BEND7: variants seen among roughly 807,000 people sequenced by gnomAD.
The protein encoded by BEND7 is BEN domain containing 7.
BEND7 carries 28 observed loss-of-function variants against 50.9 expected under a neutral mutation model. The ratio of observed to expected loss-of-function variants is 0.55; its 90% CI spans 0.41 to 0.75. The LOEUF (loss-of-function observed/expected upper bound fraction) is 0.75, where lower values mean the gene tolerates loss of function less well. Ranked by LOEUF, BEND7 falls within the 30% of genes least tolerant of loss-of-function variation. BEND7 has a pLI of 0.00. For missense variants in BEND7, 477 were observed against 491.3 expected, an observed-to-expected ratio of 0.97 and a Z score of 0.28; for synonymous variants, 170 against 183.9, an observed-to-expected ratio of 0.92 and a Z score of 0.61.
intron 1 of BEND7, 76 bp downstream of exon 1, chr10:13,528,397 C>T (rs113407393): frequency 2.8e-6 from 2 of 709,906 alleles, no homozygotes; most frequent in Non-Finnish European, 3.5e-6. Flanking sequence ...AGGGCGCGCC[C>T]CCCAGCGTGG....
Position 13,502,962 on chromosome 10 carries a change from A to C in BEND7, c.146-2882T>G, listed in dbSNP as rs2077589106. 10 of 981,848 alleles carry C rather than the reference A, an allele frequency of 1.0e-5. No homozygotes were observed. The South Asian group carries it at 4.7e-4, about 46-fold the overall frequency. 60.8% of individuals were successfully genotyped at this position (981,848 alleles called of 1,614,324 possible). A position where few individuals can be genotyped will look rare whatever the true frequency, so the allele number is the denominator to read the frequency against. On this transcript the variant is annotated intron_variant, in intron 2 of 8. Coordinates refer to ENST00000466271, the MANE Select transcript of BEND7 (RefSeq NM_001369863.1). ...CAAAGGTCCTGCCTCTGCTCTGTAG[A>C]TATAATGCTAGGATAGATACAGTGC...
rs559477068 is a variant in BEND7 at position 13,500,860 on chromosome 10, C to T, written c.146-780G>A. ...TGGAAGGGCGGAAGTGCAACCTCCC[C>T]ACCGTGCCCTCCTCCCATGCCAAAC... On this transcript the variant is annotated intron_variant, in intron 2 of 8. Coordinates refer to ENST00000466271, the MANE Select transcript of BEND7 (RefSeq NM_001369863.1). 1.0e-5 allele frequency: 10 copies of T among 985,286 alleles called. No homozygotes were observed. The South Asian group carries it at 4.7e-4, about 46-fold the overall frequency. 61.0% of individuals were successfully genotyped at this position (985,286 alleles called of 1,614,324 possible).
chr10:13,485,964 C>T (rs184311218), intron 5 of BEND7, among the ~76,000 whole-genome samples: 3 of 152,276 alleles, frequency 2.0e-5, no homozygotes, highest in Admixed American at 2.0e-4. Flanking sequence ...TCACTGCAGC[C>T]TCCAGCTCCT....
At chr10:13,477,201 A>C (rs1046800893) in intron 6 of BEND7, among the ~76,000 whole-genome samples, 3 of 152,106 alleles carry the variant, frequency 2.0e-5, no homozygotes, top group African/African-American at 7.2e-5. Flanking sequence ...ACAAAATTGA[A>C]CTCCTACTGT....
chr10:13,452,857 C>T (rs1351968208), intron 6 of BEND7, among the ~76,000 whole-genome samples, 199 bp from the exon 7 acceptor site: 1 of 152,164 alleles, frequency 6.6e-6, no homozygotes, highest in East Asian at 1.9e-4. Context: ...ATGCATTGTG[C>T]TTCAAAACGA....
At position 13,521,023 on chromosome 10, in the gene BEND7, G is replaced by A. The variant is rs189267098; in HGVS notation, c.145+5115C>T. ...TCCTAGAGTATAATCGGACAAATCA[G>A]GTGCTGTATGAAGCCTTGGGAACTG... On this transcript the variant is annotated intron_variant, in intron 2 of 8. Coordinates refer to ENST00000466271, the MANE Select transcript of BEND7 (RefSeq NM_001369863.1). Among the ~76,000 whole-genome samples the A allele has an allele frequency of 1.7e-4, 26 of 152,308 alleles. No individual in the cohort carries two copies. The East Asian group carries it at 5.0e-3, about 29-fold the overall frequency.
chr10:13,494,139 C>T (rs1021793237), intron 4 of BEND7, among the ~76,000 whole-genome samples: 1 of 152,200 alleles, frequency 6.6e-6, no homozygotes, highest in Non-Finnish European at 1.5e-5. Flanking sequence ...AGATGCCGGG[C>T]CAGGCATGGT....
chr10:13,480,791 G>T, intron 6 of BEND7, 108 bp downstream of exon 6: 4 of 1,529,882 alleles, frequency 2.6e-6, no homozygotes, highest in Non-Finnish European at 3.5e-6. Context: ...ATTGGCAATG[G>T]CAAATGAAAC....
chr10:13,521,803 A>T (rs1589071825), intron 2 of BEND7, among the ~76,000 whole-genome samples: 1 of 152,068 alleles, frequency 6.6e-6, no homozygotes, highest in Non-Finnish European at 1.5e-5. Context: ...CCAGGTGAAG[A>T]CCTCCTCCAT....
chr10:13,483,087 C>A (rs1351187055), intron 5 of BEND7, among the ~76,000 whole-genome samples: 1 of 152,062 alleles, frequency 6.6e-6, no homozygotes, highest in Non-Finnish European at 1.5e-5. Flanking sequence ...CTTACAGAAG[C>A]AGCTAATCAC....
upstream of BEND7, among the ~76,000 whole-genome samples, chr10:13,529,608 C>T (rs1041301869): frequency 5.3e-5 from 8 of 152,132 alleles, 1 homozygote; most frequent in Non-Finnish European, 7.3e-5. Flanking sequence ...TCTCAGGAGG[C>T]CATGGTCAAG....
chr10:13,492,035 T>C (rs942882515), intron 5 of BEND7, among the ~76,000 whole-genome samples: 1 of 151,886 alleles, frequency 6.6e-6, no homozygotes, highest in African/African-American at 2.4e-5. Context: ...TTATCTCGGA[T>C]GTCATCCAAC....
At chr10:13,469,379 T>G (rs2074573466) in intron 6 of BEND7, among the ~76,000 whole-genome samples, 1 of 152,196 alleles carries the variant, frequency 6.6e-6, no homozygotes, top group African/African-American at 2.4e-5. Flanking sequence ...CTAAGGGTTT[T>G]TTACAGATAG....
chr10:13,457,524 C>G, intron 6 of BEND7, among the ~76,000 whole-genome samples: 1 of 152,314 alleles, frequency 6.6e-6, no homozygotes, highest in South Asian at 2.1e-4. Flanking sequence ...CAAATAAGTA[C>G]TTCCACTGGG....
rs1321394645 is a variant in BEND7 at position 13,492,670 on chromosome 10, A to C, written c.778T>G (p.Ser260Ala). ...CCTAGAACGCGGCTCTCCTCCGGGG[A>C]GGTGTGCTCGGCTGCCTGGAGAGCA... ...LSALQAAEHT[S>A]PEESRVLGFG... Residue 260 changes from serine to alanine, a missense_variant, in exon 5 of 9, where the codon TCC becomes GCC. By Grantham distance (99) the Ser-to-Ala change is moderately conservative. Coordinates refer to ENST00000466271, the MANE Select transcript of BEND7 (RefSeq NM_001369863.1). The C allele has an allele frequency of 1.9e-6, 3 of 1,614,138 alleles. No individual in the cohort carries two copies. Among genetic ancestry groups the C allele is most frequent in the South Asian group, 1.1e-5 (1 of 91,076 alleles).
At chr10:13,443,761 G>C (rs1465518197) in intron 8 of BEND7, 1 of 152,124 alleles carries the variant, frequency 6.6e-6, no homozygotes, top group East Asian at 1.9e-4. Flanking sequence ...ATTTGCCATA[G>C]AGTGGAAAAA....
chr10:13,525,124 TTGCTGTGCAG>T (rs918851228), intron 2 of BEND7, among the ~76,000 whole-genome samples: 4 of 152,158 alleles, frequency 2.6e-5, no homozygotes, highest in African/African-American at 9.7e-5. Flanking sequence ...TTCTGCTTCC[TTGCTGTGCAG>T]TGCTGTGCCC....
At chr10:13,503,298 G>A (rs1337182675) in intron 2 of BEND7, among the ~76,000 whole-genome samples, 2 of 152,176 alleles carry the variant, frequency 1.3e-5, no homozygotes, top group South Asian at 4.2e-4. Context: ...TCAGGACGTC[G>A]GGGGACTGAG....
At chr10:13,466,425 G>A (rs2074256966) in intron 6 of BEND7, among the ~76,000 whole-genome samples, 1 of 152,054 alleles carries the variant, frequency 6.6e-6, no homozygotes, top group Non-Finnish European at 1.5e-5. Flanking sequence ...TGGGCGTGGT[G>A]GCGCACACCT....
Sources: gnomAD v4.1 joint callset for allele counts (sites outside exome capture counted in the v4.1 genomes callset) on GRCh38, gnomAD v4.1.1 for gene constraint, MANE v1.5 for transcripts, NCBI Gene and HGNC (gene_info 2026-07-23, HGNC 2026-07-21) for gene names.